The following ADARB2 variants were observed in gnomAD, a reference collection of about 807,000 sequenced individuals.
The protein encoded by ADARB2 is adenosine deaminase RNA specific B2 (inactive).
In ADARB2, 25 loss-of-function variants were observed where a neutral mutation model predicts 62.2. The observed-to-expected ratio is 0.40, with a 90% CI of 0.29 to 0.56. The LOEUF is 0.56. ADARB2 is among the 20% of genes least tolerant of loss of function. The pLI is 0.43. For synonymous variants in ADARB2, 572 were observed against 500.8 expected (o/e 1.14, Z -1.90); for missense variants, 1,071 against 1,077.4 (o/e 0.99, Z 0.08).
intron 3 of ADARB2, among the ~76,000 whole-genome samples, chr10:1,297,998 G>A (rs752577489): frequency 6.6e-6 from 1 of 152,170 alleles, no homozygotes; most frequent in Non-Finnish European, 1.5e-5. Flanking sequence ...CAGCCACCTG[G>A]GTGTGCTCAC....
At chr10:1,222,872 T>C (rs1027259685) in intron 6 of ADARB2, among the ~76,000 whole-genome samples, 1 of 151,222 alleles carries the variant, frequency 6.6e-6, no homozygotes, top group African/African-American at 2.5e-5. Context: ...TTTGTTCTTT[T>C]GGCTTAGGAT....
chr10:1,731,981 T>C (rs1210016395), intron 1 of ADARB2, among the ~76,000 whole-genome samples: 1 of 152,236 alleles, frequency 6.6e-6, no homozygotes, highest in African/African-American at 2.4e-5. Flanking sequence ...AAGAACCAAA[T>C]TTAAAACTGC....
intron 3 of ADARB2, among the ~76,000 whole-genome samples, chr10:1,298,410 G>A (rs1489479189): frequency 6.6e-6 from 1 of 152,178 alleles, no homozygotes; most frequent in African/African-American, 2.4e-5. Flanking sequence ...TCCCAGGGCT[G>A]AGCAGATGTT....
At position 1,680,092 on chromosome 10, in the gene ADARB2, C is replaced by A. The variant is rs1190794577; in HGVS notation, c.100+56959G>T. Among the ~76,000 whole-genome samples the A allele has an allele frequency of 3.9e-5, 6 of 152,104 alleles. No homozygotes were observed. The East Asian group carries it at 1.2e-3, about 29-fold the overall frequency. ...CTTGGCACCCATTCCCCTACATATT[C>A]TTTCCTGTGTAACCCGCCACTCATA... On this transcript the variant is annotated intron_variant, in intron 1 of 9. Transcript: ENST00000381312.
chr10:1,364,059 C>A, intron 2 of ADARB2, 142 bp from the exon 3 acceptor site: 2 of 1,219,796 alleles, frequency 1.6e-6, no homozygotes. Context: ...ACTGTGGCCG[C>A]CAGAGAGAGG....
chr10:1,268,120 T>C (rs966824703), intron 4 of ADARB2, among the ~76,000 whole-genome samples: 3 of 151,890 alleles, frequency 2.0e-5, no homozygotes, highest in African/African-American at 7.3e-5. Flanking sequence ...AACATAATAA[T>C]GGAAAATGAA....
At chr10:1,618,994 G>T (rs1265127619) in intron 1 of ADARB2, among the ~76,000 whole-genome samples, 1 of 152,204 alleles carries the variant, frequency 6.6e-6, no homozygotes, top group Non-Finnish European at 1.5e-5. Context: ...CTTCTTGGCT[G>T]CAATTAATGG....
intron 3 of ADARB2, among the ~76,000 whole-genome samples, chr10:1,281,513 C>A (rs970288297): frequency 6.6e-6 from 1 of 152,242 alleles, no homozygotes; most frequent in South Asian, 2.1e-4. Context: ...ATAGCTCCAG[C>A]ACTTGTTTCT....
intron 1 of ADARB2, among the ~76,000 whole-genome samples, chr10:1,566,093 A>ACC (rs1564332518): frequency 7.9e-6 from 1 of 126,570 alleles, no homozygotes; most frequent in East Asian, 2.1e-4. Flanking sequence ...AAAAAAAAAA[A>ACC]AAAAAAAAAA....
chr10:1,494,959 G>T (rs908016274), intron 1 of ADARB2, among the ~76,000 whole-genome samples: 4 of 152,118 alleles, frequency 2.6e-5, no homozygotes, highest in African/African-American at 7.2e-5. Flanking sequence ...AAGATTTAAA[G>T]ATTTTTCTAG....
rs140305306 is a variant in ADARB2, at chr10:1,459,651, A to G, written c.101-80491T>C. Among the ~76,000 whole-genome samples, 1,068 of 152,306 alleles carry G rather than the reference A, an allele frequency of 7.0e-3. 9 individuals are homozygous for G. The highest frequency in any genetic ancestry group is 0.01 in the Middle Eastern group (3 of 294). On this transcript the variant is annotated intron_variant, in intron 1 of 9. Coordinates refer to ENST00000381312, the MANE Select transcript of ADARB2 (RefSeq NM_018702.4). ...GTGGCACATGCCTGTAATCCCAGGT[A>G]CTCGGGAGGGTGAGGCAGGAGAATG...
At chr10:1,540,717 C>A (rs148352495) in intron 1 of ADARB2, among the ~76,000 whole-genome samples, 13 of 91,128 alleles carry the variant, frequency 1.4e-4, no homozygotes, top group African/African-American at 4.0e-4. Context: ...GACTCTGGAT[C>A]CGTCCAGATC....
rs563326657 is a variant in ADARB2 at position 1,737,420 on chromosome 10, T to C, written c.-270A>G. ...GGAGGGCGGGGAAGGGCGCGCGGCG[T>C]CCTGAGTGCTCCGAGCTTCCCGCGG... On this transcript the variant is annotated 5_prime_UTR_variant, in exon 1 of 10. Coordinates refer to ENST00000381312, the MANE Select transcript of ADARB2 (RefSeq NM_018702.4). The C allele has an allele frequency of 1.8e-5, 8 of 452,144 alleles. No individual in the cohort carries two copies. The South Asian group carries it at 2.2e-4, about 12-fold the overall frequency. The allele number at this position is 452,144 out of a possible 1,614,324, so 28.0% of individuals were successfully genotyped here. A position where few individuals can be genotyped will look rare whatever the true frequency, so the allele number is the denominator to read the frequency against.
At chr10:1,684,073 CA>C (rs1402935370) in intron 1 of ADARB2, among the ~76,000 whole-genome samples, 5 of 152,340 alleles carry the variant, frequency 3.3e-5, no homozygotes, top group Admixed American at 3.3e-4. Flanking sequence ...AAGTGCGTTT[CA>C]AAAGCACATC....
intron 1 of ADARB2, among the ~76,000 whole-genome samples, chr10:1,419,222 T>C (rs1456826590): frequency 1.3e-5 from 2 of 152,162 alleles, no homozygotes; most frequent in Admixed American, 1.3e-4. Context: ...GCCTCCCAAG[T>C]AGCTGGGATT....
chr10:1,269,986 T>C (rs1049512335), intron 4 of ADARB2, among the ~76,000 whole-genome samples: 2 of 152,222 alleles, frequency 1.3e-5, no homozygotes, highest in Non-Finnish European at 2.9e-5. Flanking sequence ...AAAGCAACTT[T>C]ACCTTTCAAA....
In ADARB2 at chr10:1,543,553, G is replaced by A. The variant is rs569256354; in HGVS notation, c.101-164393C>T. 3.9e-5 allele frequency among the ~76,000 whole-genome samples: 6 copies of A among 152,268 alleles called. No individual in the cohort carries two copies. The South Asian group carries it at 8.3e-4, about 21-fold the overall frequency. On this transcript the variant is annotated intron_variant, in intron 1 of 9. Coordinates refer to ENST00000381312, the MANE Select transcript of ADARB2 (RefSeq NM_018702.4). ...CTGCCGTCCATTGCCGCATTTATTC[G>A]GGCTGGGAGCTATTGGCGTCTCCCA...
chr10:1,392,922 G>C (rs377354101), intron 1 of ADARB2, among the ~76,000 whole-genome samples: 13 of 152,222 alleles, frequency 8.5e-5, no homozygotes, highest in African/African-American at 3.1e-4. Flanking sequence ...CGTATTTGGA[G>C]AGAGTTTCTT....
chr10:1,686,873 C>T (rs543361098), intron 1 of ADARB2, among the ~76,000 whole-genome samples: 6 of 150,322 alleles, frequency 4.0e-5, no homozygotes, highest in South Asian at 4.2e-4. Flanking sequence ...AACTTTGACA[C>T]GTGAAAGTTT....
Sources: gnomAD v4.1 joint callset for allele counts (sites outside exome capture counted in the v4.1 genomes callset) on GRCh38, gnomAD v4.1.1 for gene constraint, MANE v1.5 for transcripts, NCBI Gene and HGNC (gene_info 2026-07-23, HGNC 2026-07-21) for gene names.